PCDHA4: variants seen among roughly 807,000 people sequenced by gnomAD.
PCDHA4 encodes the protein protocadherin alpha-4.
A neutral mutation model predicts 61.4 loss-of-function variants in PCDHA4; 49 were observed. The ratio of observed to expected loss-of-function variants is 0.80; its 90% CI spans 0.63 to 1.01. PCDHA4 has a LOEUF of 1.01. Ranked by LOEUF, PCDHA4 falls within the 50% of genes least tolerant of loss-of-function variation. PCDHA4 has a pLI of 0.00. For missense variants in PCDHA4, 1,254 were observed against 1,235.8 expected, an observed-to-expected ratio of 1.01 and a Z score of -0.22; for synonymous variants, 590 against 550.3, an observed-to-expected ratio of 1.07 and a Z score of -1.01.
chr5:141,009,339 G>A (rs1328874922), intron 3 of PCDHA4, among the ~76,000 whole-genome samples: 13 of 152,168 alleles, frequency 8.5e-5, no homozygotes, highest in African/African-American at 3.1e-4. Context: ...TGTGCCTGTA[G>A]TTCCAGCTAC....
At chr5:140,928,701 G>A (rs782369096) in intron 1 of PCDHA4, 53 of 1,614,014 alleles carry the variant, frequency 3.3e-5, no homozygotes, top group Admixed American at 2.0e-4. Context: ...TCTCCCGGGC[G>A]TCTGACTCTA....
intron 1 of PCDHA4, among the ~76,000 whole-genome samples, chr5:140,959,366 C>A (rs1257331462): frequency 1.3e-5 from 2 of 151,552 alleles, no homozygotes; most frequent in African/African-American, 4.8e-5. Flanking sequence ...TGAGTGAGAC[C>A]CTGTCTCAAA....
intron 1 of PCDHA4, chr5:140,882,224 G>A (rs781909276): frequency 1.5e-5 from 24 of 1,558,680 alleles, no homozygotes; most frequent in Non-Finnish European, 1.9e-5. Flanking sequence ...TTGAGGTAAG[G>A]CGTTGTATAT....
intron 1 of PCDHA4, among the ~76,000 whole-genome samples, chr5:140,940,389 AT>A (rs2092602183): frequency 1.3e-5 from 2 of 151,932 alleles, no homozygotes; most frequent in Admixed American, 6.6e-5. Flanking sequence ...AATTTTGGTT[AT>A]TGTGTTTTTC....
At chr5:140,927,602 T>G (rs2084408838) in intron 1 of PCDHA4, 1 of 1,614,104 alleles carries the variant, frequency 6.2e-7, no homozygotes, top group African/African-American at 1.3e-5. Context: ...GAGCGCTCCG[T>G]ATACCGCACC....
At chr5:140,902,203 C>CT (rs148688132) in intron 1 of PCDHA4, among the ~76,000 whole-genome samples, 2,237 of 124,430 alleles carry the variant, frequency 0.018, 39 homozygotes, top group East Asian at 0.05. Context: ...CTCTCTCTTT[C>CT]TTTTTTTTTT....
intron 1 of PCDHA4, among the ~76,000 whole-genome samples, chr5:140,840,723 G>A (rs2150309194): frequency 6.6e-6 from 1 of 152,104 alleles, no homozygotes; most frequent in East Asian, 1.9e-4. Flanking sequence ...ATTGAATAAA[G>A]AAAAGCAAAA....
chr5:140,878,516 G>C (rs2057626740), intron 1 of PCDHA4, among the ~76,000 whole-genome samples: 1 of 152,122 alleles, frequency 6.6e-6, no homozygotes, highest in African/African-American at 2.4e-5. Context: ...CAGTACAGTT[G>C]GTAACCAACT....
chr5:140,834,507 G>A (rs139562115), intron 1 of PCDHA4: 2 of 1,614,136 alleles, frequency 1.2e-6, no homozygotes, highest in South Asian at 1.1e-5. Flanking sequence ...GGCTAAACAT[G>A]GCAACTTCGT....
intron 1 of PCDHA4, among the ~76,000 whole-genome samples, chr5:140,974,081 C>T (rs1432185201): frequency 6.6e-6 from 1 of 152,196 alleles, no homozygotes; most frequent in African/African-American, 2.4e-5. Context: ...ATAACCATGA[C>T]TTCAAAAATC....
At chr5:140,905,333 T>A (rs180881008) in intron 1 of PCDHA4, among the ~76,000 whole-genome samples, 2 of 152,324 alleles carry the variant, frequency 1.3e-5, no homozygotes, top group Admixed American at 1.3e-4. Flanking sequence ...TTGTTGAAGA[T>A]CAGTTGGCTG....
At chr5:140,945,628 A>G (rs898111170) in intron 1 of PCDHA4, among the ~76,000 whole-genome samples, 1 of 152,168 alleles carries the variant, frequency 6.6e-6, no homozygotes, top group Non-Finnish European at 1.5e-5. Flanking sequence ...TACTGGCATA[A>G]AAGACATGTA....
chr5:140,958,810 G>C (rs2095443726), intron 1 of PCDHA4, among the ~76,000 whole-genome samples: 1 of 151,988 alleles, frequency 6.6e-6, no homozygotes, highest in African/African-American at 2.4e-5. Flanking sequence ...ACACCATTCT[G>C]TTTTAATTTT....
intron 1 of PCDHA4, chr5:140,834,264 C>T (rs1772874708): frequency 9.9e-7 from 1 of 1,010,524 alleles, no homozygotes; most frequent in Non-Finnish European, 1.5e-6. Context: ...GCTCCACTCT[C>T]TTTCACTCTT....
rs201303975 is a variant in PCDHA4, at chr5:140,807,404, G to C, written c.217G>C (p.Gly73Arg). 1.4e-6 allele frequency: 1 copy of C among 736,864 alleles called. No homozygotes were observed. Among genetic ancestry groups the C allele is most frequent in the Non-Finnish European group, 1.8e-6 (1 of 556,748 alleles). 45.6% of individuals were successfully genotyped at this position (736,864 alleles called of 1,614,324 possible). The change falls in exon 1 of 4, where the codon GGC becomes CGC. Residue 73 changes from glycine to arginine, a missense_variant. Coordinates refer to ENST00000530339, the MANE Select transcript of PCDHA4 (RefSeq NM_018907.4). ...CCGGGTGGCGTCCAAGGGCCGCGGA[G>C]GCCTTCTGGAGGTAAATCTGCAGAA... ...LFRVASKGRG[G>R]LLEVNLQNGI...
chr5:140,863,300 C>T (rs1554158081), intron 1 of PCDHA4: 1 of 1,463,972 alleles, frequency 6.8e-7, no homozygotes, highest in Admixed American at 1.8e-5. Flanking sequence ...CTGATCATCG[C>T]CATCTGCGTG....
chr5:140,846,373 C>CTTTTTTTTTTTTTTTTTTT (rs374699051), intron 1 of PCDHA4, among the ~76,000 whole-genome samples: 1 of 55,152 alleles, frequency 1.8e-5, no homozygotes, highest in Admixed American at 2.3e-4. Flanking sequence ...TTCTTTCTTT[C>CTTTTTTTTTTTTTTTTTTT]TTTTTTTTTT....
chr5:140,991,923 C>T (rs996562269), intron 3 of PCDHA4, among the ~76,000 whole-genome samples: 1 of 152,088 alleles, frequency 6.6e-6, no homozygotes, highest in Non-Finnish European at 1.5e-5. Flanking sequence ...TGTAACATAA[C>T]ATATTCACAA....
chr5:140,865,358 A>G (rs935527495), intron 1 of PCDHA4: 2 of 152,230 alleles, frequency 1.3e-5, no homozygotes, highest in Non-Finnish European at 2.9e-5. Flanking sequence ...TACATATTGC[A>G]GGATAACCAT....
Sources: gnomAD v4.1 joint callset for allele counts (sites outside exome capture counted in the v4.1 genomes callset) on GRCh38, gnomAD v4.1.1 for gene constraint, MANE v1.5 for transcripts, NCBI Gene and HGNC (gene_info 2026-07-23, HGNC 2026-07-21) for gene names.